Variants in TP53TG5 observed in about 807,000 individuals in gnomAD.
TP53TG5 encodes the protein TP53 target 5, also known as TP53-target gene 5 protein.
Under a neutral mutation model 30.0 loss-of-function variants are expected in TP53TG5, and 17 were observed. That is an observed-to-expected ratio of 0.57 (90% CI 0.39 to 0.85). The LOEUF is 0.85. TP53TG5 is among the 40% of genes least tolerant of loss of function. TP53TG5 has a pLI of 0.00. For synonymous variants in TP53TG5, 137 were observed against 139.2 expected (o/e 0.98, Z 0.11); for missense variants, 338 against 367.9 (o/e 0.92, Z 0.67).
At chr20:45,377,076 G>A in intron 3 of TP53TG5, 136 bp downstream of exon 3, 1 of 1,170,836 alleles carries the variant, frequency 8.5e-7, no homozygotes, top group Non-Finnish European at 1.2e-6. Flanking sequence ...CTCTCCAGCA[G>A]TAAAATAGAG....
At chr20:45,374,883 T>C (rs1988674600) in intron 4 of TP53TG5, 156 bp downstream of exon 4, 1 of 1,015,794 alleles carries the variant, frequency 9.8e-7, no homozygotes, top group East Asian at 2.4e-5. Flanking sequence ...GGTCTAAGGC[T>C]TCCCCCTCTC....
rs1044134236 is a variant in TP53TG5 at position 45,377,214 on chromosome 20, A to G, written c.252T>C (p.Ser84=). 1.9e-6 allele frequency: 3 copies of G among 1,613,542 alleles called. No individual in the cohort carries two copies. The highest frequency in any genetic ancestry group is 2.5e-6 in the Non-Finnish European group (3 of 1,180,048). ...ATGGGGGCCAGGCCCCAGCTTACCCAGAGGAGATGCGGAGAATCTTTGGAA... is the reference window on the plus strand; with the variant it reads ...ATGGGGGCCAGGCCCCAGCTTACCCGGAGGAGATGCGGAGAATCTTTGGAA... ...LSVPKILRIS[S]GENSACNKTK... is the part of the protein sequence containing the mutation. The change falls in exon 3 of 5, where the codon TCT becomes TCC. Residue 84 remains serine (S), a splice_region_variant and synonymous_variant. Coordinates refer to ENST00000372726, the MANE Select transcript of TP53TG5 (RefSeq NM_014477.3).
intron 3 of TP53TG5, 126 bp from the exon 4 acceptor site, chr20:45,375,678 C>G: frequency 8.3e-7 from 1 of 1,211,760 alleles, no homozygotes; most frequent in Non-Finnish European, 1.1e-6. Context: ...AGAAACTTCT[C>G]TACTGCCCAG....
rs1988607348 is a variant in TP53TG5 at position 45,373,136 on chromosome 20, C to G, written c.*771G>C. ...AGAAAACTCGGGCTCCCTTGGCTTT[C>G]CTCTCCCCAACGGCATGGTTAGGAC... is the stretch of plus-strand genomic sequence containing the variant. On this transcript the variant is annotated 3_prime_UTR_variant, in exon 5 of 5. Transcript: ENST00000372726. 6.6e-6 allele frequency: 1 copy of G among 152,340 alleles called. No homozygotes were observed. Among genetic ancestry groups the G allele is most frequent in the Admixed American group, 6.5e-5 (1 of 15,292 alleles). The allele number at this position is 152,340 out of a possible 1,614,324, so 9.4% of individuals were successfully genotyped here. A position where few individuals can be genotyped will look rare whatever the true frequency, so the allele number is the denominator to read the frequency against.
chr20:45,376,737 T>A (rs1292055385), intron 3 of TP53TG5: 2 of 151,968 alleles, frequency 1.3e-5, no homozygotes, highest in Non-Finnish European at 2.9e-5. Context: ...GAGGAAACGG[T>A]TTGAACTTGT....
chr20:45,377,426 T>C, intron 2 of TP53TG5, 84 bp from the exon 3 acceptor site: 1 of 1,609,516 alleles, frequency 6.2e-7, no homozygotes, highest in South Asian at 1.1e-5. Flanking sequence ...CTGGCTCCGC[T>C]CAGCCAAGGG....
At chr20:45,374,981 T>C in intron 4 of TP53TG5, 58 bp downstream of exon 4, 1 of 1,566,540 alleles carries the variant, frequency 6.4e-7, no homozygotes, top group Non-Finnish European at 8.7e-7. Context: ...GGCCCAGCTC[T>C]GGGCCTGGCT....
rs1335828643 is a variant in TP53TG5, at chr20:45,378,221, T to C, written c.16A>G (p.Lys6Glu). The change falls in exon 1 of 5, where the codon AAG becomes GAG. Residue 6 changes from lysine to glutamate, a missense_variant. Lys to Glu is a moderately conservative substitution (Grantham distance 56). Transcript: ENST00000372726. The part of the protein sequence containing the change: MSPSA[K>E]KRPKNSRVSK... ...ACCCTGCTGTTCTTGGGCCTCTTCTTTGCTGATGGACTCATGCTGGGGCTG... is the reference window on the plus strand; with the variant it reads ...ACCCTGCTGTTCTTGGGCCTCTTCTCTGCTGATGGACTCATGCTGGGGCTG... 14 of 1,613,982 alleles carry C rather than the reference T, an allele frequency of 8.7e-6. No homozygotes were observed. The highest frequency in any genetic ancestry group is 1.2e-5 in the Non-Finnish European group (14 of 1,179,978).
rs1347498052 is a variant in TP53TG5, at chr20:45,373,301, C to A, written c.*606G>T. On this transcript the variant is annotated 3_prime_UTR_variant, in exon 5 of 5. Transcript: ENST00000372726. ...TGCAGTACCAGCTCCCCCTCCTGAT[C>A]CGGTGCCTTCTGTGATCTGTGACCA... The A allele has an allele frequency of 6.4e-6, 1 of 156,852 alleles. No homozygotes were observed. Among genetic ancestry groups the A allele is most frequent in the Admixed American group, 6.0e-5 (1 of 16,554 alleles). 9.7% of individuals were successfully genotyped at this position (156,852 alleles called of 1,614,324 possible).
At position 45,372,867 on chromosome 20, in the gene TP53TG5, G is replaced by T. The variant is rs1195807355; in HGVS notation, c.*1040C>A. On this transcript the variant is annotated 3_prime_UTR_variant, in exon 5 of 5. Transcript: ENST00000372726. ...TGTGGCTCCGCCCAGGCTGGTCCGC[G>T]CGGCAGCTGATGCCCAGTCTTGGTG... 3 of 151,362 alleles carry T rather than the reference G, an allele frequency of 2.0e-5. No individual in the cohort carries two copies. Among genetic ancestry groups the T allele is most frequent in the Non-Finnish European group, 4.4e-5 (3 of 67,932 alleles). 9.4% of individuals were successfully genotyped at this position (151,362 alleles called of 1,614,324 possible). A position where few individuals can be genotyped will look rare whatever the true frequency, so the allele number is the denominator to read the frequency against.
At chr20:45,377,392 A>C in intron 2 of TP53TG5, 50 bp from the exon 3 acceptor site, 1 of 1,612,502 alleles carries the variant, frequency 6.2e-7, no homozygotes, top group South Asian at 1.1e-5. Flanking sequence ...TTTCCTGGAC[A>C]GCCTCCCTCT....
chr20:45,375,737 G>A, intron 3 of TP53TG5, 185 bp from the exon 4 acceptor site: 1 of 670,466 alleles, frequency 1.5e-6, no homozygotes, highest in Non-Finnish European at 2.5e-6. Flanking sequence ...GCAGAGGGAT[G>A]TGAGAGATTG....
intron 4 of TP53TG5, 140 bp downstream of exon 4, chr20:45,374,899 A>C: frequency 1.7e-6 from 2 of 1,183,776 alleles, no homozygotes; most frequent in South Asian, 3.0e-5. Flanking sequence ...CTCTCTGGAC[A>C]TGAAGGCGGA....
chr20:45,374,149 CT>C, intron 4 of TP53TG5, 138 bp from the exon 5 acceptor site: 1 of 767,936 alleles, frequency 1.3e-6, no homozygotes, highest in Non-Finnish European at 2.2e-6. Context: ...AAAAGCCTCC[CT>C]TTAAGCTAGA....
intron 4 of TP53TG5, chr20:45,374,390 GCCT>G (rs1988657795): frequency 1.6e-6 from 1 of 624,802 alleles, no homozygotes; most frequent in Non-Finnish European, 2.8e-6. Context: ...TCCGACCTCA[GCCT>G]CCTGAGTAGC....
At chr20:45,375,004 C>A (rs745442504) in intron 4 of TP53TG5, 35 bp downstream of exon 4, 3 of 1,588,420 alleles carry the variant, frequency 1.9e-6, no homozygotes. Flanking sequence ...GGGCTTGCAT[C>A]TCACCTAGCC....
chr20:45,376,913 C>T, intron 3 of TP53TG5: 1 of 293,544 alleles, frequency 3.4e-6, no homozygotes, highest in Non-Finnish European at 6.5e-6. Context: ...GTCTCAGTGC[C>T]CCAGGGTGAA....
intron 3 of TP53TG5, chr20:45,376,210 A>C (rs920290818): frequency 1.3e-5 from 2 of 152,256 alleles, no homozygotes; most frequent in African/African-American, 4.8e-5. Context: ...GGTGGCCTTG[A>C]CAGAAATATT....
rs1416215914 is a variant in TP53TG5, at chr20:45,375,357, C to G, written c.450G>C (p.Arg150=). Reference sequence around the variant, plus strand: ...CCTCAGGCTCTATATGCTTTTCTTTCCGTGGCATTGCCGCCAATGACGTTT... The same window carrying G: ...CCTCAGGCTCTATATGCTTTTCTTTGCGTGGCATTGCCGCCAATGACGTTT... ...KEKTSLAAMP[R]KEKHIEPEVP... The change falls in exon 4 of 5, where the codon CGG becomes CGC. Residue 150 remains arginine, a synonymous_variant. Coordinates refer to ENST00000372726, the MANE Select transcript of TP53TG5 (RefSeq NM_014477.3). 1 of 1,614,048 alleles carries G rather than the reference C, an allele frequency of 6.2e-7. No homozygotes were observed. Among genetic ancestry groups the G allele is most frequent in the Non-Finnish European group, 8.5e-7 (1 of 1,180,044 alleles).
Sources: allele counts gnomAD v4.1 joint callset, GRCh38; gene constraint gnomAD v4.1.1; transcripts MANE v1.5; gene names NCBI Gene and HGNC (gene_info 2026-07-23, HGNC 2026-07-21).